The following MAPK4 variants were observed in gnomAD, a reference collection of about 807,000 sequenced individuals.
MAPK4 encodes Erk3-related.
Under a neutral mutation model 47.7 loss-of-function variants are expected in MAPK4, and 22 were observed. That is an observed-to-expected ratio of 0.46 (90% confidence interval 0.33 to 0.66). MAPK4 has a LOEUF of 0.66. Ranked by LOEUF, MAPK4 falls within the 30% of genes least tolerant of loss-of-function variation. The pLI is 0.02. For synonymous variants in MAPK4, 390 were observed against 365.7 expected (o/e 1.07, Z -0.76); for missense variants, 736 against 831.7 (o/e 0.88, Z 1.42).
chr18:50,572,445 T>C (rs1243850947), intron 1 of MAPK4, among the ~76,000 whole-genome samples: 1 of 152,220 alleles, frequency 6.6e-6, no homozygotes, highest in Non-Finnish European at 1.5e-5. Flanking sequence ...GTGATAATGC[T>C]CTCAGTTGAA....
At chr18:50,561,486 G>C (rs1032653280) in intron 1 of MAPK4, among the ~76,000 whole-genome samples, 5 of 152,198 alleles carry the variant, frequency 3.3e-5, no homozygotes, top group Non-Finnish European at 5.9e-5. Context: ...CAATGTAACA[G>C]ATATTTATTG....
intron 3 of MAPK4, among the ~76,000 whole-genome samples, chr18:50,717,956 TG>T: frequency 6.6e-6 from 1 of 152,216 alleles, no homozygotes; most frequent in South Asian, 2.1e-4. Context: ...GGGATTGCTG[TG>T]GGACAAAGGG....
At chr18:50,637,279 A>T (rs959937575) in intron 1 of MAPK4, among the ~76,000 whole-genome samples, 14 of 152,206 alleles carry the variant, frequency 9.2e-5, no homozygotes, top group Non-Finnish European at 1.9e-4. Flanking sequence ...AGTATTTTAC[A>T]TGTATTAGTT....
Position 50,668,631 on chromosome 18 carries a change from A to G in MAPK4, c.546+4127A>G, listed in dbSNP as rs139757747. 6.0e-4 allele frequency among the ~76,000 whole-genome samples: 91 copies of G among 152,300 alleles called. 1 individual carries two copies. In the East Asian group the frequency reaches 0.015, roughly 25 times the overall value. The stretch of plus-strand genomic sequence containing the variant: ...GCAATGGAGGATGTTCCCTTTCAAC[A>G]GGGGCAGTCTGGAAAACACTGCCTC... On this transcript the variant is annotated intron_variant, in intron 2 of 5. Coordinates refer to ENST00000400384, the MANE Select transcript of MAPK4 (RefSeq NM_002747.4).
At chr18:50,720,220 C>A (rs898045593) in intron 3 of MAPK4, among the ~76,000 whole-genome samples, 5 of 152,108 alleles carry the variant, frequency 3.3e-5, no homozygotes, top group Admixed American at 2.6e-4. Flanking sequence ...ACATAAATCC[C>A]CAAGGTGGAA....
chr18:50,625,436 A>G (rs906344421), intron 1 of MAPK4, among the ~76,000 whole-genome samples: 1 of 152,074 alleles, frequency 6.6e-6, no homozygotes, highest in African/African-American at 2.4e-5. Flanking sequence ...GCCTTTTTCT[A>G]GCTTCCTCCC....
intron 2 of MAPK4, among the ~76,000 whole-genome samples, chr18:50,684,802 T>C (rs1317440567): frequency 6.6e-6 from 1 of 151,142 alleles, no homozygotes; most frequent in Admixed American, 6.6e-5. Context: ...AAGGCATCAG[T>C]GGGAAGGCAC....
chr18:50,705,093 T>C, intron 2 of MAPK4: 1 of 256,768 alleles, frequency 3.9e-6, no homozygotes, highest in Admixed American at 5.5e-5. Flanking sequence ...ACCGGACCCA[T>C]ACCCCACACG....
At chr18:50,699,194 G>C (rs1909658079) in intron 2 of MAPK4, among the ~76,000 whole-genome samples, 2 of 152,128 alleles carry the variant, frequency 1.3e-5, no homozygotes, top group African/African-American at 4.8e-5. Context: ...AAGCATTCTA[G>C]CAAATTCAGT....
chr18:50,630,301 G>T (rs976071956), intron 1 of MAPK4, among the ~76,000 whole-genome samples: 4 of 152,200 alleles, frequency 2.6e-5, no homozygotes, highest in African/African-American at 9.7e-5. Context: ...CGATTCTCAT[G>T]CCTCAGCTTC....
chr18:50,714,816 A>G (rs1238582082), intron 2 of MAPK4, among the ~76,000 whole-genome samples: 1 of 152,206 alleles, frequency 6.6e-6, no homozygotes, highest in African/African-American at 2.4e-5. Context: ...TAAAATATTA[A>G]TAACCTGAAT....
intron 1 of MAPK4, among the ~76,000 whole-genome samples, chr18:50,581,992 G>T (rs2042350104): frequency 1.3e-5 from 2 of 152,130 alleles, no homozygotes; most frequent in African/African-American, 4.8e-5. Flanking sequence ...AAAAGAGGTG[G>T]GCTTATCTGC....
chr18:50,589,178 TGCCCATAGCTTCAATAATCATG>T (rs1166831807), intron 1 of MAPK4, among the ~76,000 whole-genome samples: 1 of 152,226 alleles, frequency 6.6e-6, no homozygotes, highest in Non-Finnish European at 1.5e-5. Context: ...TTTCTGGGAC[TGCCCATAGCTTCAATAATCATG>T]GCCCTGGTCC....
chr18:50,713,203 A>G (rs938735369), intron 2 of MAPK4, among the ~76,000 whole-genome samples: 4 of 152,222 alleles, frequency 2.6e-5, no homozygotes, highest in African/African-American at 7.2e-5. Flanking sequence ...TGACATGACT[A>G]TGCTTTTGTC....
intron 2 of MAPK4, among the ~76,000 whole-genome samples, chr18:50,709,053 A>C (rs1340108171): frequency 6.6e-6 from 1 of 152,130 alleles, no homozygotes; most frequent in Non-Finnish European, 1.5e-5. Flanking sequence ...CTCAGAGAAC[A>C]AGCTTAGCTC....
At chr18:50,578,041 C>T (rs553592790) in intron 1 of MAPK4, among the ~76,000 whole-genome samples, 1 of 152,286 alleles carries the variant, frequency 6.6e-6, no homozygotes, top group African/African-American at 2.4e-5. Flanking sequence ...GAGAGCCTAC[C>T]GACTGCCCAG....
At chr18:50,656,114 A>G (rs2043107504) in intron 1 of MAPK4, among the ~76,000 whole-genome samples, 1 of 152,164 alleles carries the variant, frequency 6.6e-6, no homozygotes, top group Non-Finnish European at 1.5e-5. Context: ...CCTCTTCTCT[A>G]TTTTAGAAAG....
chr18:50,715,512 C>T lies in MAPK4; in HGVS notation c.691+289C>T, dbSNP rs190361631. Among the ~76,000 whole-genome samples the T allele has an allele frequency of 2.0e-3, 311 of 152,268 alleles. 3 individuals carry two copies. The highest frequency in any genetic ancestry group is 6.8e-3 in the Middle Eastern group (2 of 294). On this transcript the variant is annotated intron_variant, in intron 3 of 5. Coordinates refer to ENST00000400384, the MANE Select transcript of MAPK4 (RefSeq NM_002747.4). ...TAACATTCAAAGGTTGAAATCCTAA[C>T]CCCCAAGGTGATGCTATTAGGAGGT...
At chr18:50,688,897 A>AT (rs1909044683) in intron 2 of MAPK4, among the ~76,000 whole-genome samples, 1 of 150,830 alleles carries the variant, frequency 6.6e-6, no homozygotes, top group African/African-American at 2.4e-5. Flanking sequence ...AATAAAAAAA[A>AT]AAAAAAAAAA....
Sources: gnomAD v4.1 joint callset for allele counts (sites outside exome capture counted in the v4.1 genomes callset) on GRCh38, gnomAD v4.1.1 for gene constraint, MANE v1.5 for transcripts, NCBI Gene and HGNC (gene_info 2026-07-23, HGNC 2026-07-21) for gene names.